Variants in PDE1A observed in about 807,000 individuals in gnomAD.
The protein encoded by PDE1A is dual specificity calcium/calmodulin-dependent 3',5'-cyclic nucleotide phosphodiesterase 1A.
In PDE1A, 35 loss-of-function variants were observed where a neutral mutation model predicts 61.7. The ratio of observed to expected loss-of-function variants is 0.57; its 90% confidence interval spans 0.43 to 0.75. PDE1A has a LOEUF of 0.75. Among genes scored for constraint, PDE1A ranks in the 30% least tolerant of loss-of-function variants. The pLI, the probability that PDE1A is intolerant of heterozygous loss-of-function variation, is 0.00. For synonymous variants in PDE1A, 232 were observed against 213.2 expected (o/e 1.09, Z -0.77); for missense variants, 597 against 630.6 (o/e 0.95, Z 0.57).
At chr2:182,268,612 C>T (rs1404444719) in intron 1 of PDE1A, among the ~76,000 whole-genome samples, 1 of 152,066 alleles carries the variant, frequency 6.6e-6, no homozygotes, top group Non-Finnish European at 1.5e-5. Flanking sequence ...TATGCACACC[C>T]TAATTTCTAA....
the PDE1A span, among the ~76,000 whole-genome samples, chr2:182,592,288 T>C: frequency 6.6e-6 from 1 of 152,198 alleles, no homozygotes; most frequent in Non-Finnish European, 1.5e-5. Context: ...TGCTCTACAG[T>C]TTCTCTCCGA....
intron 2 of PDE1A, among the ~76,000 whole-genome samples, chr2:182,473,971 T>C (rs1687198983): frequency 6.6e-6 from 1 of 152,018 alleles, no homozygotes; most frequent in Admixed American, 6.6e-5. Context: ...ATCTCTATAG[T>C]AGAATGATTT....
chr2:182,532,839 T>C, the PDE1A span, among the ~76,000 whole-genome samples: 2 of 144,686 alleles, frequency 1.4e-5, no homozygotes, highest in Non-Finnish European at 3.0e-5. Flanking sequence ...TCCCAGCTAC[T>C]CGGGAGGCTG....
the PDE1A span, among the ~76,000 whole-genome samples, chr2:182,605,043 T>G: frequency 6.6e-6 from 1 of 151,990 alleles, no homozygotes; most frequent in Non-Finnish European, 1.5e-5. Flanking sequence ...AGTGGATTTT[T>G]TTTTTTTTAA....
chr2:182,353,963 T>C (rs1699033474), intron 1 of PDE1A, among the ~76,000 whole-genome samples: 1 of 152,150 alleles, frequency 6.6e-6, no homozygotes, highest in Non-Finnish European at 1.5e-5. Context: ...CTATGTACTG[T>C]ATACCTTTGA....
chr2:182,320,710 T>C (rs1359083032), intron 1 of PDE1A, among the ~76,000 whole-genome samples: 1 of 152,164 alleles, frequency 6.6e-6, no homozygotes, highest in African/African-American at 2.4e-5. Context: ...CTAACTTCAG[T>C]TGAATAATTT....
At chr2:182,482,242 A>G (rs771701609) in intron 2 of PDE1A, among the ~76,000 whole-genome samples, 50 of 151,988 alleles carry the variant, frequency 3.3e-4, no homozygotes, top group Non-Finnish European at 6.0e-4. Context: ...TAAGATTTAT[A>G]TAACTTTTAG....
rs1406363342 is a variant in PDE1A at position 182,246,395 on chromosome 2, TTTTTTCTTTC to T, written c.168-6113_168-6104del. Among the ~76,000 whole-genome samples the T allele has an allele frequency of 9.5e-3, 959 of 101,468 alleles. 16 individuals are homozygous for T. Among genetic ancestry groups the T allele is most frequent in the African/African-American group, 0.033 (610 of 18,228 alleles). The allele number at this position is 101,468 out of a possible 152,430, so 66.6% of individuals were successfully genotyped here. ...TTTTATTCTACTATAGTCTTTTTTC[TTTTTTCTTTC>T]TTTTTTTTTTTTTTTTTTGACAGAG... On this transcript the variant is annotated intron_variant, in intron 2 of 13. Transcript: ENST00000351439.
chr2:182,322,479 C>T (rs962697316), intron 1 of PDE1A, among the ~76,000 whole-genome samples: 1 of 152,202 alleles, frequency 6.6e-6, no homozygotes, highest in Non-Finnish European at 1.5e-5. Flanking sequence ...TGCCCTCTTG[C>T]CTGCCGCCAT....
At chr2:182,465,636 T>C (rs919790241) in intron 2 of PDE1A, among the ~76,000 whole-genome samples, 5 of 152,126 alleles carry the variant, frequency 3.3e-5, no homozygotes, top group Non-Finnish European at 5.9e-5. Flanking sequence ...CCTTAAAATA[T>C]GTTTGATGCA....
chr2:182,155,365 G>A (rs550438629), intron 13 of PDE1A, among the ~76,000 whole-genome samples: 12 of 151,872 alleles, frequency 7.9e-5, no homozygotes, highest in Admixed American at 1.3e-4. Flanking sequence ...TTGGGATTAC[G>A]GGCATGAGCC....
chr2:182,294,343 T>C (rs1694735111), intron 1 of PDE1A, among the ~76,000 whole-genome samples: 1 of 152,204 alleles, frequency 6.6e-6, no homozygotes, highest in Non-Finnish European at 1.5e-5. Context: ...CAGAAAGGTA[T>C]GTTTTTCATT....
At chr2:182,646,940 G>A in the PDE1A span, among the ~76,000 whole-genome samples, 174 of 152,288 alleles carry the variant, frequency 1.1e-3, 1 homozygote, top group African/African-American at 3.9e-3. Context: ...CTAGGCCTGC[G>A]TGGAGACAAA....
intron 2 of PDE1A, among the ~76,000 whole-genome samples, chr2:182,513,561 C>T (rs935891545): frequency 3.9e-5 from 6 of 152,186 alleles, no homozygotes; most frequent in Non-Finnish European, 8.8e-5. Flanking sequence ...CAACAACCAG[C>T]TAACAACATG....
At chr2:182,562,962 C>G in the PDE1A span, among the ~76,000 whole-genome samples, 7 of 152,250 alleles carry the variant, frequency 4.6e-5, no homozygotes, top group South Asian at 4.1e-4. Flanking sequence ...CTTTATTAGT[C>G]TTGCTAGTGC....
At chr2:182,224,274 G>A (rs145700041) in intron 6 of PDE1A, among the ~76,000 whole-genome samples, 1 of 151,758 alleles carries the variant, frequency 6.6e-6, no homozygotes, top group East Asian at 1.9e-4. Flanking sequence ...ATACATGTTT[G>A]GGTTCTTCTG....
chr2:182,603,862 T>C, the PDE1A span, among the ~76,000 whole-genome samples: 1 of 152,174 alleles, frequency 6.6e-6, no homozygotes, highest in South Asian at 2.1e-4. Flanking sequence ...AATTTTAAAA[T>C]TGCAGCAATT....
intron 1 of PDE1A, among the ~76,000 whole-genome samples, chr2:182,360,204 C>T (rs1699419852): frequency 6.6e-6 from 1 of 152,204 alleles, no homozygotes; most frequent in South Asian, 2.1e-4. Flanking sequence ...TCCTAGTACA[C>T]ATTTGTTTGT....
chr2:182,392,499 C>A (rs1370790634), intron 1 of PDE1A, among the ~76,000 whole-genome samples: 7 of 152,210 alleles, frequency 4.6e-5, no homozygotes, highest in African/African-American at 1.7e-4. Flanking sequence ...CCTCCCAAAT[C>A]TCATGTCCTC....
Sources: gnomAD v4.1 joint callset for allele counts (sites outside exome capture counted in the v4.1 genomes callset) on GRCh38, gnomAD v4.1.1 for gene constraint, MANE v1.5 for transcripts, NCBI Gene and HGNC (gene_info 2026-07-23, HGNC 2026-07-21) for gene names.